Variants in C9orf85 observed in about 807,000 individuals in gnomAD.
C9orf85 encodes the protein chromosome 9 open reading frame 85.
C9orf85 carries 16 observed loss-of-function variants against 14.9 expected under a neutral mutation model. The observed-to-expected ratio is 1.08, with a 90% CI of 0.73 to 1.63. The LOEUF (loss-of-function observed/expected upper bound fraction) is 1.63. Ranked by LOEUF, C9orf85 falls within the 40% of genes most tolerant of loss-of-function variation. C9orf85 has a pLI of 0.00. For missense variants in C9orf85, 172 were observed against 186.1 expected, an observed-to-expected ratio of 0.92 and a Z score of 0.44; for synonymous variants, 45 against 56.8, an observed-to-expected ratio of 0.79 and a Z score of 0.93.
chr9:71,914,281 A>C (rs915559267), intron 1 of C9orf85, among the ~76,000 whole-genome samples: 1 of 152,178 alleles, frequency 6.6e-6, no homozygotes, highest in Non-Finnish European at 1.5e-5. Context: ...AATGCAACCC[A>C]ACACAAATTC....
intron 3 of C9orf85, among the ~76,000 whole-genome samples, chr9:71,980,781 C>G (rs1823084016): frequency 6.6e-6 from 1 of 152,120 alleles, no homozygotes; most frequent in Non-Finnish European, 1.5e-5. Context: ...ATAAGTTTCT[C>G]CTATGTTTCT....
At chr9:71,953,731 C>G (rs780467172) in intron 2 of C9orf85, among the ~76,000 whole-genome samples, 1 of 151,996 alleles carries the variant, frequency 6.6e-6, no homozygotes, top group Non-Finnish European at 1.5e-5. Flanking sequence ...TTAAATTGAT[C>G]GTTGCATCTC....
chr9:71,981,721 G>T (rs1823099929), intron 3 of C9orf85, among the ~76,000 whole-genome samples: 1 of 152,176 alleles, frequency 6.6e-6, no homozygotes, highest in South Asian at 2.1e-4. Flanking sequence ...TATGCTTAAG[G>T]TTCAATTTAA....
chr9:71,982,142 A>G (rs1190329227), intron 3 of C9orf85, among the ~76,000 whole-genome samples: 2 of 152,158 alleles, frequency 1.3e-5, no homozygotes, highest in Non-Finnish European at 2.9e-5. Context: ...AAATGACATC[A>G]TAAAATATGT....
intron 1 of C9orf85, among the ~76,000 whole-genome samples, chr9:71,923,008 T>G (rs539194861): frequency 1.4e-4 from 21 of 152,274 alleles, no homozygotes; most frequent in African/African-American, 5.1e-4. Flanking sequence ...TGCACGCCTG[T>G]AACCCCACCT....
intron 1 of C9orf85, among the ~76,000 whole-genome samples, chr9:71,928,678 T>A (rs968864667): frequency 1.3e-5 from 2 of 152,190 alleles, no homozygotes; most frequent in Admixed American, 1.3e-4. Context: ...CAACTCTTTA[T>A]AAGTTAGAAT....
Position 71,946,455 on chromosome 9 carries a change from G to GTT in C9orf85, c.103-548_103-547dup, listed in dbSNP as rs1171535474. ...ACATATCTTAACTGTGCAGTTTTGA[G>GTT]TTTTGACACATATATACATCAGAAT... is the stretch of plus-strand genomic sequence containing the variant. On this transcript the variant is annotated intron_variant, in intron 1 of 3. Coordinates refer to ENST00000334731, the MANE Select transcript of C9orf85 (RefSeq NM_182505.5). Among the ~76,000 whole-genome samples the GTT allele has an allele frequency of 1.3e-5, 2 of 152,098 alleles. 1 individual carries two copies. The highest frequency in any genetic ancestry group is 3.8e-4 in the East Asian group (2 of 5,198).
chr9:71,927,934 C>T (rs1056010206), intron 1 of C9orf85, among the ~76,000 whole-genome samples: 1 of 152,020 alleles, frequency 6.6e-6, no homozygotes, highest in Admixed American at 6.6e-5. Flanking sequence ...GCCTGTAATC[C>T]CAGCACTTTG....
chr9:71,971,975 C>CA (rs1280978130), intron 3 of C9orf85, among the ~76,000 whole-genome samples: 5,321 of 52,440 alleles, frequency 0.1, 223 homozygotes, highest in East Asian at 0.15. Flanking sequence ...GACTCCATCT[C>CA]AAAAAAAAAA....
chr9:71,914,857 A>T (rs1158265086), intron 1 of C9orf85, among the ~76,000 whole-genome samples: 1 of 152,204 alleles, frequency 6.6e-6, no homozygotes, highest in East Asian at 1.9e-4. Context: ...GCCATTGGTC[A>T]CCGGTACCCT....
intron 3 of C9orf85, among the ~76,000 whole-genome samples, chr9:71,979,134 T>C (rs186624689): frequency 6.6e-6 from 1 of 152,382 alleles, no homozygotes; most frequent in East Asian, 1.9e-4. Context: ...TAATGTATTG[T>C]TGTGAAATCC....
At chr9:71,974,047 C>CTCCCAAGTAGCTGAGATTA (rs1354656074), downstream of C9orf85, among the ~76,000 whole-genome samples, 3 of 151,840 alleles carry the variant, frequency 2.0e-5, no homozygotes, top group Admixed American at 2.0e-4. Flanking sequence ...CTGCCTCAGC[C>CTCCCAAGTAGCTGAGATTA]TCCCAAGTAG....
At chr9:71,954,884 G>A (rs1046054977) in intron 2 of C9orf85, among the ~76,000 whole-genome samples, 7 of 152,272 alleles carry the variant, frequency 4.6e-5, no homozygotes, top group African/African-American at 1.4e-4. Context: ...ACACACCTCT[G>A]ACAGTTATGC....
At position 71,915,316 on chromosome 9, in the gene C9orf85, G is replaced by T. The variant is rs150690924; in HGVS notation, c.102+3480G>T. On this transcript the variant is annotated intron_variant, in intron 1 of 3. Coordinates refer to ENST00000334731, the MANE Select transcript of C9orf85 (RefSeq NM_182505.5). ...TTGTCTCAGCCTCCCAAGTAGCTGG[G>T]ATTTCAGGGGCACACAACCATGCCT... is the stretch of plus-strand genomic sequence containing the variant. Among the ~76,000 whole-genome samples the T allele has an allele frequency of 6.5e-3, 988 of 151,874 alleles. 4 individuals are homozygous for T. The highest frequency in any genetic ancestry group is 0.027 in the Middle Eastern group (8 of 292).
chr9:71,953,279 A>G (rs1371722218), intron 2 of C9orf85, among the ~76,000 whole-genome samples: 1 of 152,206 alleles, frequency 6.6e-6, no homozygotes, highest in East Asian at 1.9e-4. Context: ...TGGTTTTCAA[A>G]CTTTTCAGCT....
chr9:71,952,544 T>G (rs371015297), intron 2 of C9orf85, among the ~76,000 whole-genome samples: 8 of 152,222 alleles, frequency 5.3e-5, no homozygotes, highest in Admixed American at 2.0e-4. Context: ...TTTTTTGTAT[T>G]TTTAGTAGAG....
At chr9:71,912,720 G>A (rs1827543771) in intron 1 of C9orf85, among the ~76,000 whole-genome samples, 1 of 152,004 alleles carries the variant, frequency 6.6e-6, no homozygotes, top group African/African-American at 2.4e-5. Context: ...CTCCCAATCT[G>A]CTAAAAATAC....
chr9:71,967,825 G>A (rs1045902031), intron 2 of C9orf85, among the ~76,000 whole-genome samples: 37 of 150,750 alleles, frequency 2.5e-4, no homozygotes, highest in Admixed American at 2.2e-3. Context: ...GATCTTACAG[G>A]GAAGGTATTC....
chr9:71,982,111 C>T (rs1410660012), intron 3 of C9orf85, among the ~76,000 whole-genome samples: 1 of 152,138 alleles, frequency 6.6e-6, no homozygotes, highest in Admixed American at 6.5e-5. Flanking sequence ...CATAAAATTG[C>T]CTTTTATGAA....
Sources: allele counts gnomAD v4.1 joint callset (sites outside exome capture counted in the v4.1 genomes callset), GRCh38; gene constraint gnomAD v4.1.1; transcripts MANE v1.5; gene names NCBI Gene and HGNC (gene_info 2026-07-23, HGNC 2026-07-21).